Variants in PTPRZ1 observed in about 807,000 individuals in gnomAD.
PTPRZ1 encodes the protein receptor-type tyrosine-protein phosphatase zeta.
In PTPRZ1, 82 loss-of-function variants were observed where a neutral mutation model predicts 214.1. That is an observed-to-expected ratio of 0.38 (90% confidence interval 0.32 to 0.46). PTPRZ1 has a LOEUF of 0.46. Ranked by LOEUF, PTPRZ1 falls within the 20% of genes least tolerant of loss-of-function variation. The pLI is 1.00. For missense variants in PTPRZ1, 2,603 were observed against 2,748.7 expected, an observed-to-expected ratio of 0.95 and a Z score of 1.19; for synonymous variants, 945 against 987.9, an observed-to-expected ratio of 0.96 and a Z score of 0.81.
intron 23 of PTPRZ1, among the ~76,000 whole-genome samples, chr7:122,049,912 G>A (rs892914397): frequency 2.6e-5 from 4 of 152,088 alleles, no homozygotes; most frequent in Non-Finnish European, 5.9e-5. Context: ...ATTGGAAAAC[G>A]GAGGAATCTA....
chr7:122,028,519 C>A, intron 13 of PTPRZ1, 33 bp from the exon 14 acceptor site: 1 of 1,425,458 alleles, frequency 7.0e-7, no homozygotes, highest in South Asian at 1.2e-5. Flanking sequence ...TCCATAGCAA[C>A]TAGTAGTATA....
intron 1 of PTPRZ1, among the ~76,000 whole-genome samples, chr7:121,918,352 A>G (rs1346833227): frequency 6.6e-6 from 1 of 152,184 alleles, no homozygotes. Flanking sequence ...CAAAATGCAG[A>G]CCCAGTGCAT....
intron 8 of PTPRZ1, among the ~76,000 whole-genome samples, chr7:121,995,146 G>T (rs1562851052): frequency 6.6e-6 from 1 of 152,070 alleles, no homozygotes; most frequent in East Asian, 1.9e-4. Context: ...GTTAGTTGTG[G>T]GTGCCCTCCG....
chr7:122,034,035 A>G (rs1435782279), intron 15 of PTPRZ1, 60 bp from the exon 16 acceptor site: 3 of 1,470,786 alleles, frequency 2.0e-6, no homozygotes, highest in African/African-American at 1.4e-5. Flanking sequence ...TTTTTTTCTC[A>G]TTTGTCGTGT....
At chr7:122,047,836 G>A (rs1379635278) in intron 23 of PTPRZ1, among the ~76,000 whole-genome samples, 1 of 151,866 alleles carries the variant, frequency 6.6e-6, no homozygotes, top group East Asian at 1.9e-4. Flanking sequence ...AATGTTTTTT[G>A]TAGAGATGGG....
intron 1 of PTPRZ1, among the ~76,000 whole-genome samples, chr7:121,927,034 A>C (rs1795785298): frequency 6.6e-6 from 1 of 152,236 alleles, no homozygotes; most frequent in Non-Finnish European, 1.5e-5. Flanking sequence ...CCATGTTGTA[A>C]TAATCAGATA....
intron 20 of PTPRZ1, among the ~76,000 whole-genome samples, chr7:122,040,396 G>A (rs1334633950): frequency 6.6e-6 from 1 of 152,156 alleles, no homozygotes; most frequent in Non-Finnish European, 1.5e-5. Context: ...GGATCTTTAC[G>A]TTGCACTGTT....
At chr7:121,928,498 G>A (rs1023763499) in intron 2 of PTPRZ1, among the ~76,000 whole-genome samples, 15 of 152,058 alleles carry the variant, frequency 9.9e-5, no homozygotes, top group African/African-American at 3.6e-4. Flanking sequence ...CATAACCTGG[G>A]GCTCTGTTTT....
intron 1 of PTPRZ1, among the ~76,000 whole-genome samples, chr7:121,887,993 A>G (rs1392686022): frequency 1.3e-5 from 2 of 152,062 alleles, no homozygotes; most frequent in Admixed American, 6.6e-5. Context: ...AAAGCACTGT[A>G]TATTTTACAG....
At chr7:121,912,747 C>T (rs1009551344) in intron 1 of PTPRZ1, among the ~76,000 whole-genome samples, 2 of 151,768 alleles carry the variant, frequency 1.3e-5, no homozygotes, top group African/African-American at 2.4e-5. Flanking sequence ...ATGAGAAAGA[C>T]GATGATGAAA....
chr7:121,920,179 T>C (rs1034500420), intron 1 of PTPRZ1, among the ~76,000 whole-genome samples: 2 of 152,184 alleles, frequency 1.3e-5, no homozygotes, highest in African/African-American at 2.4e-5. Context: ...AGTGTGCCAG[T>C]TGTCCAGAAC....
intron 8 of PTPRZ1, among the ~76,000 whole-genome samples, chr7:121,995,806 TATGTCTTTCATA>T (rs1798114799): frequency 6.6e-6 from 1 of 152,194 alleles, no homozygotes; most frequent in African/African-American, 2.4e-5. Context: ...CCGATAATAG[TATGTCTTTCATA>T]ATTGAAATTA....
At position 122,054,157 on chromosome 7, in the gene PTPRZ1, T is replaced by C; in HGVS notation, c.6381+119T>C. On this transcript the variant is annotated intron_variant, in intron 26 of 29. Transcript: ENST00000393386. ...TTTGTTTTCAACTAATAAACTAATG[T>C]CATTGAAGGCATACTCTTCTGCTGT... The C allele has an allele frequency of 3.6e-6, 4 of 1,104,682 alleles. No individual in the cohort carries two copies. In the South Asian group the frequency reaches 6.3e-5, roughly 17 times the overall value. 68.4% of individuals were successfully genotyped at this position (1,104,682 alleles called of 1,614,324 possible).
intron 8 of PTPRZ1, among the ~76,000 whole-genome samples, chr7:121,985,587 C>T (rs956642638): frequency 6.6e-5 from 10 of 152,168 alleles, no homozygotes; most frequent in Non-Finnish European, 1.5e-4. Context: ...TTGGCTTCCC[C>T]ATTGATGGCA....
chr7:121,986,064 T>G (rs528992890), intron 8 of PTPRZ1, among the ~76,000 whole-genome samples: 1 of 130,300 alleles, frequency 7.7e-6, no homozygotes, highest in African/African-American at 2.9e-5. Flanking sequence ...CTGTATATAA[T>G]TCTGATTTAA....
chr7:121,892,369 T>G (rs899649478), intron 1 of PTPRZ1, among the ~76,000 whole-genome samples: 1 of 152,032 alleles, frequency 6.6e-6, no homozygotes, highest in Non-Finnish European at 1.5e-5. Flanking sequence ...AGGTCACTTC[T>G]TTTATGCCAG....
intron 1 of PTPRZ1, among the ~76,000 whole-genome samples, chr7:121,904,833 A>G (rs1473601523): frequency 1.4e-4 from 21 of 152,158 alleles, no homozygotes; most frequent in Admixed American, 1.4e-3. Flanking sequence ...TGTCAGCTCT[A>G]CTTTAATAAA....
intron 1 of PTPRZ1, among the ~76,000 whole-genome samples, chr7:121,874,346 C>G (rs938233301): frequency 1.3e-5 from 2 of 152,170 alleles, no homozygotes; most frequent in African/African-American, 4.8e-5. Flanking sequence ...GCGATGCAGA[C>G]TCAAGTTTTC....
Position 122,013,689 on chromosome 7 carries a change from A to G in PTPRZ1, c.4643A>G (p.Glu1548Gly). 4.3e-6 allele frequency: 7 copies of G among 1,614,212 alleles called. No individual in the cohort carries two copies. The highest frequency in any genetic ancestry group is 5.9e-6 in the Non-Finnish European group (7 of 1,180,032). Residue 1548 changes from glutamate to glycine, a missense_variant, in exon 12 of 30, where the codon GAA becomes GGA. Physicochemically the swap from Glu to Gly is moderately conservative, Grantham distance 98. Coordinates refer to ENST00000393386, the MANE Select transcript of PTPRZ1 (RefSeq NM_002851.3). ...TGGGCAGTTCTGACAAGTGATGAAGAAAGTGGATCAGGGCAAGGTACCTCA... is the reference window on the plus strand; with the variant it reads ...TGGGCAGTTCTGACAAGTGATGAAGGAAGTGGATCAGGGCAAGGTACCTCA... ...KAWAVLTSDEESGSGQGTSDS... is the reference protein window; with the variant it reads ...KAWAVLTSDEGSGSGQGTSDS...
Sources: gnomAD v4.1 joint callset for allele counts (sites outside exome capture counted in the v4.1 genomes callset) on GRCh38, gnomAD v4.1.1 for gene constraint, MANE v1.5 for transcripts, NCBI Gene and HGNC (gene_info 2026-07-23, HGNC 2026-07-21) for gene names.